SPOPL: variants seen among roughly 807,000 people sequenced by gnomAD.
SPOPL encodes speckle type BTB/POZ protein like.
Under a neutral mutation model 53.8 loss-of-function variants are expected in SPOPL, and 23 were observed. The ratio of observed to expected loss-of-function variants is 0.43; its 90% CI spans 0.31 to 0.61. The LOEUF is 0.61. SPOPL is among the 20% of genes least tolerant of loss of function. The probability of loss-of-function intolerance (pLI) is 0.12; values close to 1 mark genes in which losing one functional copy is unlikely to be tolerated. For synonymous variants in SPOPL, 164 were observed against 149.7 expected (o/e 1.10, Z -0.70); for missense variants, 442 against 466.9 (o/e 0.95, Z 0.49).
intron 1 of SPOPL, among the ~76,000 whole-genome samples, chr2:138,508,859 A>G (rs185008272): frequency 7.9e-5 from 12 of 152,246 alleles, no homozygotes; most frequent in Non-Finnish European, 1.2e-4. Context: ...TATGTCTTAT[A>G]TAACAACTGT....
At chr2:138,543,457 C>G (rs971400315) in intron 1 of SPOPL, among the ~76,000 whole-genome samples, 1 of 152,064 alleles carries the variant, frequency 6.6e-6, no homozygotes, top group Non-Finnish European at 1.5e-5. Context: ...TTTCTCTAAG[C>G]TTCTCTTCTC....
chr2:138,563,823 C>G (rs1685602712), intron 8 of SPOPL, among the ~76,000 whole-genome samples: 1 of 152,186 alleles, frequency 6.6e-6, no homozygotes, highest in South Asian at 2.1e-4. Context: ...TTGTATATGA[C>G]TAACAGCTTC....
chr2:138,510,800 T>C (rs1684309329), intron 1 of SPOPL, among the ~76,000 whole-genome samples: 1 of 152,174 alleles, frequency 6.6e-6, no homozygotes, highest in African/African-American at 2.4e-5. Context: ...CTGTAGTTTT[T>C]TATAAGACAA....
intron 1 of SPOPL, among the ~76,000 whole-genome samples, chr2:138,509,346 CT>C (rs1366063686): frequency 6.6e-6 from 1 of 151,986 alleles, no homozygotes; most frequent in Non-Finnish European, 1.5e-5. Context: ...TTTTTATTTT[CT>C]GCAGAACTGA....
intron 1 of SPOPL, among the ~76,000 whole-genome samples, chr2:138,507,141 A>G (rs756310346): frequency 1.3e-5 from 2 of 152,100 alleles, no homozygotes; most frequent in Non-Finnish European, 2.9e-5. Context: ...TTGTCAATAC[A>G]CCCATAAACT....
chr2:138,565,413 G>A (rs185279066), intron 10 of SPOPL, among the ~76,000 whole-genome samples: 9 of 152,304 alleles, frequency 5.9e-5, no homozygotes, highest in African/African-American at 1.4e-4. Context: ...GGTACCTTGA[G>A]TAATATGCTA....
intron 1 of SPOPL, among the ~76,000 whole-genome samples, chr2:138,503,809 A>G (rs35180671): frequency 0.15 from 22,766 of 152,242 alleles, 1,938 homozygotes; most frequent in African/African-American, 0.23. Context: ...TAAATACTCA[A>G]AACTGGTGGT....
At chr2:138,543,677 T>C (rs1024546621) in intron 1 of SPOPL, among the ~76,000 whole-genome samples, 2 of 152,112 alleles carry the variant, frequency 1.3e-5, no homozygotes, top group Admixed American at 1.3e-4. Context: ...GCCATGGGTT[T>C]GAACTTCCTC....
chr2:138,559,425 A>C (rs2104900684), intron 7 of SPOPL, 88 bp downstream of exon 7: 65 of 1,358,836 alleles, frequency 4.8e-5, no homozygotes, highest in Non-Finnish European at 6.1e-5. Context: ...CAATGTTCTC[A>C]TTGTCATACT....
At chr2:138,544,726 G>C (rs560810781) in intron 1 of SPOPL, among the ~76,000 whole-genome samples, 64 of 152,284 alleles carry the variant, frequency 4.2e-4, no homozygotes, top group African/African-American at 1.5e-3. Context: ...TGCTCGGTGC[G>C]CTGCACCCAC....
chr2:138,522,069 C>T (rs1261592435), intron 1 of SPOPL, among the ~76,000 whole-genome samples: 1 of 152,106 alleles, frequency 6.6e-6, no homozygotes, highest in Admixed American at 6.5e-5. Flanking sequence ...GACCCGGACC[C>T]GCTGAACCCT....
intron 1 of SPOPL, among the ~76,000 whole-genome samples, chr2:138,546,767 A>G (rs1231494006): frequency 6.6e-6 from 1 of 152,220 alleles, no homozygotes; most frequent in Non-Finnish European, 1.5e-5. Context: ...CTCATCATTA[A>G]GATGGTGTAT....
chr2:138,528,518 C>T (rs1202834922), intron 1 of SPOPL, among the ~76,000 whole-genome samples: 1 of 152,168 alleles, frequency 6.6e-6, no homozygotes, highest in East Asian at 1.9e-4. Flanking sequence ...GTTGTCATCT[C>T]ATTGAGTATC....
At chr2:138,504,931 C>G (rs1684181853) in intron 1 of SPOPL, among the ~76,000 whole-genome samples, 1 of 152,096 alleles carries the variant, frequency 6.6e-6, no homozygotes, top group Non-Finnish European at 1.5e-5. Flanking sequence ...TTTAATAAGA[C>G]TTTTTTATTC....
intron 1 of SPOPL, among the ~76,000 whole-genome samples, chr2:138,525,233 C>G (rs1388788377): frequency 6.6e-6 from 1 of 152,116 alleles, no homozygotes; most frequent in Non-Finnish European, 1.5e-5. Flanking sequence ...CAGGGAAAGT[C>G]CCGTTTTTAA....
intron 1 of SPOPL, among the ~76,000 whole-genome samples, chr2:138,539,168 G>A (rs1295368484): frequency 2.0e-5 from 3 of 152,190 alleles, no homozygotes; most frequent in African/African-American, 7.2e-5. Context: ...ATTTGGGTTG[G>A]TTCCAAGTCT....
intron 1 of SPOPL, among the ~76,000 whole-genome samples, chr2:138,549,551 A>G (rs898498092): frequency 9.8e-5 from 15 of 152,286 alleles, no homozygotes; most frequent in African/African-American, 3.6e-4. Flanking sequence ...ACCTGGGAGG[A>G]AATTTTATGA....
At chr2:138,514,057 C>T (rs984068831) in intron 1 of SPOPL, among the ~76,000 whole-genome samples, 1 of 152,062 alleles carries the variant, frequency 6.6e-6, no homozygotes. Context: ...TGGCTTCTTA[C>T]CTTAAACATA....
chr2:138,544,229 G>A (rs555012986), intron 1 of SPOPL, among the ~76,000 whole-genome samples: 9 of 152,184 alleles, frequency 5.9e-5, no homozygotes, highest in Non-Finnish European at 1.0e-4. Context: ...GTCCAGCTGC[G>A]TGCTGGGAGA....
Sources: allele counts gnomAD v4.1 joint callset (sites outside exome capture counted in the v4.1 genomes callset), GRCh38; gene constraint gnomAD v4.1.1; transcripts MANE v1.5; gene names NCBI Gene and HGNC (gene_info 2026-07-23, HGNC 2026-07-21).